Variants in LRP1B observed in about 807,000 individuals in gnomAD.
LRP1B encodes the protein LDL receptor related protein 1B, also known as low-density lipoprotein receptor-related protein 1B.
A neutral mutation model predicts 556.6 loss-of-function variants in LRP1B; 217 were observed. That is an observed-to-expected ratio of 0.39 (90% CI 0.35 to 0.44). LRP1B has a LOEUF of 0.44. LRP1B is among the 20% of genes least tolerant of loss of function. The probability of loss-of-function intolerance (pLI) is 1.00; values close to 1 mark genes in which losing one functional copy is unlikely to be tolerated. For missense variants in LRP1B, 5,053 were observed against 5,620.8 expected, an observed-to-expected ratio of 0.90 and a Z score of 3.23; for synonymous variants, 2,047 against 1,865.8, an observed-to-expected ratio of 1.10 and a Z score of -2.50.
At chr2:141,786,329 G>A (rs1255032698) in intron 2 of LRP1B, among the ~76,000 whole-genome samples, 1 of 151,726 alleles carries the variant, frequency 6.6e-6, no homozygotes, top group Non-Finnish European at 1.5e-5. Context: ...TCTGCTATGG[G>A]GATTATAGAG....
intron 83 of LRP1B, among the ~76,000 whole-genome samples, chr2:140,304,586 G>T (rs1390555914): frequency 6.6e-5 from 10 of 152,016 alleles, no homozygotes; most frequent in Admixed American, 6.6e-4. Flanking sequence ...TTGCAAAAAT[G>T]TTCTCCCATT....
intron 35 of LRP1B, among the ~76,000 whole-genome samples, chr2:140,740,683 A>G (rs1688106502): frequency 6.6e-6 from 1 of 152,134 alleles, no homozygotes; most frequent in Admixed American, 6.6e-5. Flanking sequence ...TTTATTCTCT[A>G]CGTTCTGGAA....
rs1292197492 is a variant in LRP1B, at chr2:141,634,921, T to C, written c.206-154388A>G. 1.4e-4 allele frequency among the ~76,000 whole-genome samples: 22 copies of C among 151,858 alleles called. 1 individual carries two copies. Among genetic ancestry groups the C allele is most frequent in the Non-Finnish European group, 2.9e-5 (2 of 67,906 alleles). ...TAGTTAATTATTATTAGAGTGGTGG[T>C]TATTATGATTGTAAAATGACCATTT... is the stretch of plus-strand genomic sequence containing the variant. On this transcript the variant is annotated intron_variant, in intron 2 of 90. Coordinates refer to ENST00000389484, the MANE Select transcript of LRP1B (RefSeq NM_018557.3).
At chr2:141,646,496 G>A (rs767125200) in intron 2 of LRP1B, among the ~76,000 whole-genome samples, 1 of 152,000 alleles carries the variant, frequency 6.6e-6, no homozygotes, top group Non-Finnish European at 1.5e-5. Flanking sequence ...CATGTAAAAC[G>A]ATGAGTTAAT....
intron 3 of LRP1B, among the ~76,000 whole-genome samples, chr2:141,259,215 T>A (rs1450173776): frequency 6.6e-6 from 1 of 152,184 alleles, no homozygotes; most frequent in East Asian, 1.9e-4. Context: ...AAACTGAAAT[T>A]TCTTTCACCA....
chr2:141,123,135 T>C (rs1230634141), intron 7 of LRP1B, among the ~76,000 whole-genome samples: 1 of 151,820 alleles, frequency 6.6e-6, no homozygotes, highest in Non-Finnish European at 1.5e-5. Context: ...GAGATATACC[T>C]AATGTAAATG....
chr2:140,475,442 A>T, intron 59 of LRP1B, 105 bp from the exon 60 acceptor site: 1 of 746,824 alleles, frequency 1.3e-6, no homozygotes, highest in Non-Finnish European at 2.0e-6. Flanking sequence ...TAATCTTGCC[A>T]TTTTTCTGAA....
At chr2:141,296,969 G>A (rs77882103) in intron 3 of LRP1B, among the ~76,000 whole-genome samples, 2,667 of 152,190 alleles carry the variant, frequency 0.018, 70 homozygotes, top group African/African-American at 0.059. Flanking sequence ...TTGATTTTAC[G>A]TTCCAGCATT....
intron 2 of LRP1B, among the ~76,000 whole-genome samples, chr2:141,740,905 T>C (rs996996072): frequency 6.6e-6 from 1 of 152,100 alleles, no homozygotes; most frequent in Non-Finnish European, 1.5e-5. Context: ...CTCATCCCCC[T>C]ACCCCCCAAC....
chr2:140,307,626 G>T (rs1352801428), intron 83 of LRP1B, among the ~76,000 whole-genome samples: 2 of 151,688 alleles, frequency 1.3e-5, no homozygotes, highest in Admixed American at 6.6e-5. Flanking sequence ...TTTATCCTTA[G>T]TTCCCATTAA....
At chr2:140,392,837 C>T (rs1026303472) in intron 66 of LRP1B, among the ~76,000 whole-genome samples, 3 of 152,062 alleles carry the variant, frequency 2.0e-5, no homozygotes, top group Admixed American at 6.6e-5. Flanking sequence ...CACTTTTTAT[C>T]TCCTCCTGAA....
intron 1 of LRP1B, among the ~76,000 whole-genome samples, chr2:141,882,970 A>C (rs1260059702): frequency 6.6e-6 from 1 of 152,196 alleles, no homozygotes; most frequent in Non-Finnish European, 1.5e-5. Flanking sequence ...TAGCAGTCTC[A>C]CCAAAGGCAT....
At chr2:140,482,843 G>A (rs1194469221) in intron 59 of LRP1B, among the ~76,000 whole-genome samples, 1 of 152,052 alleles carries the variant, frequency 6.6e-6, no homozygotes, top group Non-Finnish European at 1.5e-5. Context: ...TACTTCTCAA[G>A]GAAACGGTAG....
At chr2:140,265,365 A>G (rs1351462042) in intron 86 of LRP1B, among the ~76,000 whole-genome samples, 1 of 152,124 alleles carries the variant, frequency 6.6e-6, no homozygotes, top group East Asian at 1.9e-4. Context: ...AATGCAAAAA[A>G]ATCTAGTTTT....
chr2:140,973,452 A>G (rs1434865620), intron 18 of LRP1B, among the ~76,000 whole-genome samples: 2 of 152,102 alleles, frequency 1.3e-5, no homozygotes, highest in African/African-American at 4.8e-5. Flanking sequence ...TCACTCATGT[A>G]CATATTTTGA....
intron 43 of LRP1B, among the ~76,000 whole-genome samples, chr2:140,596,953 A>G (rs1367914460): frequency 1.3e-5 from 2 of 152,206 alleles, no homozygotes; most frequent in East Asian, 3.8e-4. Context: ...GTAAATTGAT[A>G]CAGTCTGAAG....
intron 2 of LRP1B, among the ~76,000 whole-genome samples, chr2:141,671,910 C>A (rs1009459958): frequency 6.6e-6 from 1 of 151,536 alleles, no homozygotes; most frequent in Non-Finnish European, 1.5e-5. Flanking sequence ...ATGCCAGGCA[C>A]TGGAATATGT....
chr2:140,943,493 C>T (rs771043312), intron 20 of LRP1B, among the ~76,000 whole-genome samples: 1 of 152,022 alleles, frequency 6.6e-6, no homozygotes, highest in Admixed American at 6.6e-5. Context: ...TGCAGTCAAA[C>T]ATAATCTAAG....
At position 140,726,151 on chromosome 2, in the gene LRP1B, G is replaced by A. The variant is rs375850007; in HGVS notation, c.5759-9335C>T. Among the ~76,000 whole-genome samples the A allele has an allele frequency of 6.6e-5, 10 of 152,168 alleles. No homozygotes were observed. The South Asian group carries it at 1.0e-3, about 16-fold the overall frequency. ...GTGAAGGAGATTCCAATTATGAAAT[G>A]CTACACAGCCCCTCTTCCCCTTACA... On this transcript the variant is annotated intron_variant, in intron 35 of 90. Transcript: ENST00000389484.
Sources: allele counts gnomAD v4.1 joint callset (sites outside exome capture counted in the v4.1 genomes callset), GRCh38; gene constraint gnomAD v4.1.1; transcripts MANE v1.5; gene names NCBI Gene and HGNC (gene_info 2026-07-23, HGNC 2026-07-21).